Variants in SCLT1 observed in about 807,000 individuals in gnomAD.
SCLT1 encodes the protein sodium channel-associated protein 1.
A neutral mutation model predicts 112.8 loss-of-function variants in SCLT1; 78 were observed. That is an observed-to-expected ratio of 0.69 (90% CI 0.58 to 0.83). The LOEUF is 0.83. Among genes scored for constraint, SCLT1 ranks in the 40% least tolerant of loss-of-function variants. SCLT1 has a pLI of 0.00. For synonymous variants in SCLT1, 257 were observed against 254.7 expected (o/e 1.01, Z -0.09); for missense variants, 747 against 770.4 (o/e 0.97, Z 0.36).
At chr4:128,986,864 G>A (rs72922082) in intron 9 of SCLT1, among the ~76,000 whole-genome samples, 1,552 of 152,188 alleles carry the variant, frequency 0.01, 16 homozygotes, top group African/African-American at 0.028. Context: ...GAAGGGATTC[G>A]GGTGTGACTC....
At chr4:128,880,689 T>C (rs767656682), downstream of SCLT1, among the ~76,000 whole-genome samples, 1 of 152,232 alleles carries the variant, frequency 6.6e-6, no homozygotes, top group Non-Finnish European at 1.5e-5. Context: ...TTAAGCTGCA[T>C]TAATGGAAGT....
intron 16 of SCLT1, chr4:128,944,531 A>G (rs1737978649): frequency 6.6e-6 from 1 of 152,198 alleles, no homozygotes; most frequent in Admixed American, 6.5e-5. Context: ...CTCAGTTTTT[A>G]AAACAAATTA....
At chr4:129,065,489 G>C (rs1750397875) in intron 2 of SCLT1, among the ~76,000 whole-genome samples, 3 of 152,016 alleles carry the variant, frequency 2.0e-5, no homozygotes, top group African/African-American at 7.2e-5. Flanking sequence ...ATTTGACTTT[G>C]TCAATAACAT....
At chr4:128,976,329 A>G (rs1410982002) in intron 9 of SCLT1, among the ~76,000 whole-genome samples, 2 of 152,230 alleles carry the variant, frequency 1.3e-5, no homozygotes, top group African/African-American at 2.4e-5. Flanking sequence ...AATACCTACA[A>G]GATTGACAAT....
chr4:128,907,218 T>C (rs1734759063), intron 18 of SCLT1, among the ~76,000 whole-genome samples: 2 of 152,028 alleles, frequency 1.3e-5, no homozygotes, highest in Non-Finnish European at 2.9e-5. Context: ...TAACAGGAAA[T>C]TGGCACTGAA....
At chr4:129,026,442 G>GA (rs1444707072) in intron 5 of SCLT1, among the ~76,000 whole-genome samples, 8 of 151,994 alleles carry the variant, frequency 5.3e-5, no homozygotes, top group African/African-American at 1.7e-4. Context: ...ACCTGCTCCT[G>GA]AATGACTACT....
At chr4:128,884,956 T>C (rs1462321547) in intron 20 of SCLT1, among the ~76,000 whole-genome samples, 1 of 152,250 alleles carries the variant, frequency 6.6e-6, no homozygotes, top group South Asian at 2.1e-4. Context: ...GTGATCATTT[T>C]AAAATTAATT....
At position 129,049,053 on chromosome 4, in the gene SCLT1, A is replaced by C. The variant is rs534902357; in HGVS notation, c.103-5002T>G. 1.6e-3 allele frequency among the ~76,000 whole-genome samples: 241 copies of C among 152,070 alleles called. 2 individuals are homozygous for C. Among genetic ancestry groups the C allele is most frequent in the East Asian group, 0.014 (71 of 5,168 alleles). On this transcript the variant is annotated intron_variant, in intron 2 of 20. Coordinates refer to ENST00000281142, the MANE Select transcript of SCLT1 (RefSeq NM_144643.4). The stretch of plus-strand genomic sequence containing the variant: ...GGTGGGACTGTAAACTAGTTCAACC[A>C]TTGTGGAAGTCAGTGTGGCGATTCC...
At position 128,888,664 on chromosome 4, in the gene SCLT1, G is replaced by T; in HGVS notation, c.2004+15C>A. ...TGAACTGTTTATTATCTAGGGATAA[G>T]AGGATGCTCCCTACCTGCTGGGAAG... On this transcript the variant is annotated intron_variant, in intron 20 of 20. Coordinates refer to ENST00000281142, the MANE Select transcript of SCLT1 (RefSeq NM_144643.4). 1 of 1,503,760 alleles carries T rather than the reference G, an allele frequency of 6.6e-7. No homozygotes were observed. Among genetic ancestry groups the T allele is most frequent in the Non-Finnish European group, 9.2e-7 (1 of 1,083,428 alleles). 93.2% of individuals were successfully genotyped at this position (1,503,760 alleles called of 1,614,324 possible).
At chr4:129,049,066 G>C (rs1748488237) in intron 2 of SCLT1, among the ~76,000 whole-genome samples, 1 of 151,962 alleles carries the variant, frequency 6.6e-6, no homozygotes, top group Non-Finnish European at 1.5e-5. Flanking sequence ...GTGGAAGTCA[G>C]TGTGGCGATT....
At chr4:128,902,948 C>T (rs929630683) in intron 18 of SCLT1, among the ~76,000 whole-genome samples, 1 of 152,102 alleles carries the variant, frequency 6.6e-6, no homozygotes, top group Non-Finnish European at 1.5e-5. Flanking sequence ...TCCACCTGTA[C>T]ATCTTGTCCC....
At chr4:129,066,169 G>T (rs1020001778) in intron 2 of SCLT1, among the ~76,000 whole-genome samples, 1 of 152,076 alleles carries the variant, frequency 6.6e-6, no homozygotes, top group African/African-American at 2.4e-5. Flanking sequence ...ACATTTAACT[G>T]TATTAAAAGT....
At chr4:128,995,354 T>C (rs1205591314) in intron 8 of SCLT1, among the ~76,000 whole-genome samples, 3 of 152,212 alleles carry the variant, frequency 2.0e-5, no homozygotes, top group South Asian at 4.1e-4. Context: ...ACTTTGTTCA[T>C]ACATTGTTCT....
chr4:129,006,933 G>A (rs1744081728), intron 5 of SCLT1, among the ~76,000 whole-genome samples: 1 of 152,116 alleles, frequency 6.6e-6, no homozygotes, highest in Non-Finnish European at 1.5e-5. Flanking sequence ...TGGCAACGCC[G>A]ACGTTATGTT....
chr4:129,011,622 C>T (rs914091991), intron 5 of SCLT1, among the ~76,000 whole-genome samples: 3 of 151,724 alleles, frequency 2.0e-5, no homozygotes, highest in Non-Finnish European at 4.4e-5. Context: ...GTGGTACCAG[C>T]TCTTTGTATA....
At chr4:128,992,311 T>C in intron 8 of SCLT1, 74 bp from the exon 9 acceptor site, 1 of 922,418 alleles carries the variant, frequency 1.1e-6, no homozygotes, top group Non-Finnish European at 1.6e-6. Flanking sequence ...ACATCAGACA[T>C]ACAAGTAGAA....
rs781589456 is a variant in SCLT1, at chr4:128,954,514, C to T, written c.1147-1674G>A. Among the ~76,000 whole-genome samples, 358 of 152,062 alleles carry T rather than the reference C, an allele frequency of 2.4e-3. 1 individual carries two copies. The highest frequency in any genetic ancestry group is 3.4e-3 in the Middle Eastern group (1 of 294). On this transcript the variant is annotated intron_variant, in intron 13 of 20. Transcript: ENST00000281142. ...ATTTTTAGTAGAGACGGGGTTTCAC[C>T]GTGTTAGCCAGGATGGTCTCAGTCT...
chr4:129,000,874 C>T (rs914523599), intron 6 of SCLT1, among the ~76,000 whole-genome samples: 3 of 151,732 alleles, frequency 2.0e-5, no homozygotes, highest in Non-Finnish European at 4.4e-5. Flanking sequence ...TGATCTCTTC[C>T]AGTTACTATA....
downstream of SCLT1, among the ~76,000 whole-genome samples, chr4:128,882,879 G>T (rs1732673880): frequency 6.6e-6 from 1 of 152,142 alleles, no homozygotes; most frequent in Non-Finnish European, 1.5e-5. Context: ...AGACACGGTG[G>T]CTCAGGCCTG....
Sources: gnomAD v4.1 joint callset for allele counts (sites outside exome capture counted in the v4.1 genomes callset) on GRCh38, gnomAD v4.1.1 for gene constraint, MANE v1.5 for transcripts, NCBI Gene and HGNC (gene_info 2026-07-23, HGNC 2026-07-21) for gene names.